PPP4R1: variants seen among roughly 807,000 people sequenced by gnomAD.
The protein encoded by PPP4R1 is protein phosphatase 4 regulatory subunit 1.
A neutral mutation model predicts 111.2 loss-of-function variants in PPP4R1; 42 were observed. That is an observed-to-expected ratio of 0.38 (90% confidence interval 0.29 to 0.49). The LOEUF (loss-of-function observed/expected upper bound fraction) is 0.49. Ranked by LOEUF, PPP4R1 falls within the 20% of genes least tolerant of loss-of-function variation. The pLI is 0.97. For missense variants in PPP4R1, 1,012 were observed against 1,161.6 expected, an observed-to-expected ratio of 0.87 and a Z score of 1.87; for synonymous variants, 409 against 405.5, an observed-to-expected ratio of 1.01 and a Z score of -0.10.
intron 11 of PPP4R1, among the ~76,000 whole-genome samples, chr18:9,568,288 T>G (rs1049572861): frequency 6.6e-6 from 1 of 152,150 alleles, no homozygotes; most frequent in Non-Finnish European, 1.5e-5. Flanking sequence ...GCCTCCCAGG[T>G]AGCTGAGATT....
Position 9,553,308 on chromosome 18 carries a change from C to G in PPP4R1, c.2291+14G>C. 15 of 1,533,042 alleles carry G rather than the reference C, an allele frequency of 9.8e-6. No homozygotes were observed. The highest frequency in any genetic ancestry group is 1.3e-5 in the Non-Finnish European group (14 of 1,108,452). 95.0% of individuals were successfully genotyped at this position (1,533,042 alleles called of 1,614,324 possible). A position where few individuals can be genotyped will look rare whatever the true frequency, so the allele number is the denominator to read the frequency against. ...CCCCTCCAAAACATAATCTAATAAA[C>G]TGTTAGAACTTACTCAGCCAGTTCA... On this transcript the variant is annotated intron_variant, in intron 16 of 19. Coordinates refer to ENST00000400556, the MANE Select transcript of PPP4R1 (RefSeq NM_001042388.3).
intron 11 of PPP4R1, among the ~76,000 whole-genome samples, chr18:9,568,189 A>G (rs2066800867): frequency 2.0e-5 from 3 of 152,106 alleles, no homozygotes; most frequent in African/African-American, 7.2e-5. Context: ...ATGCCCAGCT[A>G]CTATTCAAAA....
In PPP4R1 at chr18:9,581,727, A is replaced by G. The variant is rs79435887; in HGVS notation, c.918+1390T>C. ...CTTACATAACTAGGAAGTTCAATCA[A>G]CTCAACTCCAAGTAGTATAAACTAA... On this transcript the variant is annotated intron_variant, in intron 9 of 19. Transcript: ENST00000400556. Among the ~76,000 whole-genome samples the G allele has an allele frequency of 4.0e-3, 612 of 152,266 alleles. 4 individuals carry two copies. The highest frequency in any genetic ancestry group is 6.8e-3 in the Non-Finnish European group (464 of 68,026).
chr18:9,581,368 A>G (rs1161007055), intron 9 of PPP4R1, among the ~76,000 whole-genome samples: 3 of 152,188 alleles, frequency 2.0e-5, no homozygotes, highest in Non-Finnish European at 4.4e-5. Flanking sequence ...GTATAACATC[A>G]ATAAAGAGAA....
chr18:9,556,866 A>G (rs2066595841), intron 15 of PPP4R1: 1 of 164,012 alleles, frequency 6.1e-6, no homozygotes. Context: ...TCCTATACGC[A>G]GGTTCCACAG....
intron 2 of PPP4R1, among the ~76,000 whole-genome samples, chr18:9,609,227 C>G (rs548411596): frequency 1.3e-5 from 2 of 152,288 alleles, no homozygotes; most frequent in South Asian, 4.1e-4. Flanking sequence ...TGGCAGCAGT[C>G]AAAACAGGCT....
At chr18:9,551,159 G>A (rs1452272424) in intron 16 of PPP4R1, 1 of 152,210 alleles carries the variant, frequency 6.6e-6, no homozygotes, top group Admixed American at 6.5e-5. Flanking sequence ...AATAGGACCA[G>A]TTTCTGCTTA....
intron 15 of PPP4R1, 79 bp from the exon 16 acceptor site, chr18:9,553,501 T>C (rs1172821626): frequency 1.1e-6 from 1 of 881,972 alleles, no homozygotes; most frequent in African/African-American, 1.7e-5. Context: ...AAAAACAGAC[T>C]GTAAGCAATA....
intron 16 of PPP4R1, 101 bp downstream of exon 16, chr18:9,553,205 TAGAATACCACATAGAA>T (rs2066516993): frequency 3.9e-6 from 3 of 761,980 alleles, no homozygotes; most frequent in Non-Finnish European, 6.3e-6. Flanking sequence ...GTTAAAGGGC[TAGAATACCACATAGAA>T]ACTTGGATCT....
At chr18:9,558,500 G>C (rs1453877665) in intron 14 of PPP4R1, among the ~76,000 whole-genome samples, 1 of 152,010 alleles carries the variant, frequency 6.6e-6, no homozygotes, top group Non-Finnish European at 1.5e-5. Flanking sequence ...ACTTCTTCTG[G>C]GTCCTGGTTA....
chr18:9,580,683 T>C (rs2067014500), intron 9 of PPP4R1, among the ~76,000 whole-genome samples: 1 of 151,950 alleles, frequency 6.6e-6, no homozygotes, highest in African/African-American at 2.4e-5. Flanking sequence ...TCCAGTGAGG[T>C]GAGGTGGAGA....
chr18:9,583,339 C>A (rs1397204009), intron 8 of PPP4R1, 64 bp from the exon 9 acceptor site: 1 of 1,343,664 alleles, frequency 7.4e-7, no homozygotes, highest in African/African-American at 1.5e-5. Context: ...AGTTACTTCG[C>A]TTTCATTTTC....
chr18:9,609,437 G>A (rs1031595364), intron 2 of PPP4R1, among the ~76,000 whole-genome samples: 5 of 152,200 alleles, frequency 3.3e-5, no homozygotes, highest in African/African-American at 1.2e-4. Flanking sequence ...ATGGTAGGAA[G>A]GCCTGAAGAT....
chr18:9,580,351 ATTT>A (rs3974279), intron 9 of PPP4R1, among the ~76,000 whole-genome samples: 86 of 146,348 alleles, frequency 5.9e-4, no homozygotes, highest in Middle Eastern at 3.5e-3. Flanking sequence ...TGAGAGTCTA[ATTT>A]TTTTTTTTTT....
At position 9,591,340 on chromosome 18, in the gene PPP4R1, C is replaced by G. The variant is rs59755487; in HGVS notation, c.295+2428G>C. ...CCAGCCTGGGTGACAGAGTGAGACT[C>G]CATCTCCAAAAAAAAAAAAGATACC... On this transcript the variant is annotated intron_variant, in intron 4 of 19. Transcript: ENST00000400556. Among the ~76,000 whole-genome samples, 1,235 of 143,890 alleles carry G rather than the reference C, an allele frequency of 8.6e-3. 19 individuals are homozygous for G. The highest frequency in any genetic ancestry group is 0.029 in the African/African-American group (1,165 of 39,932). The allele number at this position is 143,890 out of a possible 152,430, so 94.4% of individuals were successfully genotyped here. A position where few individuals can be genotyped will look rare whatever the true frequency, so the allele number is the denominator to read the frequency against.
At chr18:9,608,595 T>TA (rs1332820986) in intron 2 of PPP4R1, among the ~76,000 whole-genome samples, 15 of 152,196 alleles carry the variant, frequency 9.9e-5, no homozygotes, top group Non-Finnish European at 1.9e-4. Context: ...CAGACCCTCT[T>TA]ATAGAAATTA....
Position 9,563,551 on chromosome 18 carries a change from C to A in PPP4R1, c.1574-1G>T. ...GCAGCGGACAGCACTTCCACTTGTGCTACAGGCAAAATAAGGAAATGGACA... is the reference window on the plus strand; with the variant it reads ...GCAGCGGACAGCACTTCCACTTGTGATACAGGCAAAATAAGGAAATGGACA... On this transcript the variant is annotated splice_acceptor_variant, in intron 11 of 19. Coordinates refer to ENST00000400556, the MANE Select transcript of PPP4R1 (RefSeq NM_001042388.3). LOFTEE classifies it high-confidence loss of function. 1 of 1,576,046 alleles carries A rather than the reference C, an allele frequency of 6.3e-7. No homozygotes were observed. Among genetic ancestry groups the A allele is most frequent in the Non-Finnish European group, 8.6e-7 (1 of 1,160,102 alleles).
chr18:9,582,972 T>C, intron 9 of PPP4R1, 145 bp downstream of exon 9: 3 of 737,158 alleles, frequency 4.1e-6, no homozygotes, highest in Middle Eastern at 4.6e-4. Context: ...ACTGTTAATA[T>C]AGTAGTCTTT....
chr18:9,600,755 C>G (rs2067367830), intron 2 of PPP4R1, among the ~76,000 whole-genome samples: 1 of 152,032 alleles, frequency 6.6e-6, no homozygotes, highest in Admixed American at 6.6e-5. Flanking sequence ...GTGGTGCACA[C>G]CTGTGATCCC....
Sources: allele counts gnomAD v4.1 joint callset (sites outside exome capture counted in the v4.1 genomes callset), GRCh38; gene constraint gnomAD v4.1.1; transcripts MANE v1.5; gene names NCBI Gene and HGNC (gene_info 2026-07-23, HGNC 2026-07-21).